Variants in OTUD7A observed in about 807,000 individuals in gnomAD.
OTUD7A encodes OTU domain-containing protein 7A.
In OTUD7A, 12 loss-of-function variants were observed where a neutral mutation model predicts 65.7. That is an observed-to-expected ratio of 0.18 (90% confidence interval 0.12 to 0.30). The LOEUF (loss-of-function observed/expected upper bound fraction) is 0.30, where lower values mean the gene tolerates loss of function less well. Among genes scored for constraint, OTUD7A ranks in the 10% least tolerant of loss-of-function variants. The pLI is 1.00. For missense variants in OTUD7A, 1,148 were observed against 1,304.8 expected, an observed-to-expected ratio of 0.88 and a Z score of 1.85; for synonymous variants, 641 against 586.3, an observed-to-expected ratio of 1.09 and a Z score of -1.35.
chr15:31,870,239 C>T (rs1897991501), intron 1 of OTUD7A, among the ~76,000 whole-genome samples: 1 of 148,520 alleles, frequency 6.7e-6, no homozygotes, highest in Non-Finnish European at 1.5e-5. Flanking sequence ...GAGAGGCGCG[C>T]CACGCCGGGC....
rs914053719 is a variant in OTUD7A, at chr15:31,477,835, C to G, written c.*5459G>C. 1 of 143,032 alleles carries G rather than the reference C, an allele frequency of 7.0e-6. No individual in the cohort carries two copies. Among genetic ancestry groups the G allele is most frequent in the Non-Finnish European group, 1.5e-5 (1 of 65,990 alleles). The allele number at this position is 143,032 out of a possible 1,614,324, so 8.9% of individuals were successfully genotyped here. ...AAATAAATGGATGAATGATTAACAT[C>G]TGCAGCACTCAGATGGTGATAGGTG... is the stretch of plus-strand genomic sequence containing the variant. On this transcript the variant is annotated 3_prime_UTR_variant, in exon 13 of 13. Coordinates refer to ENST00000307050, the MANE Select transcript of OTUD7A (RefSeq NM_001382637.1).
At chr15:31,722,591 T>C (rs560924779) in intron 1 of OTUD7A, among the ~76,000 whole-genome samples, 69 of 152,058 alleles carry the variant, frequency 4.5e-4, no homozygotes, top group South Asian at 2.1e-3. Flanking sequence ...CAGAAAGAGG[T>C]CTGGGGATGC....
chr15:31,723,154 G>A (rs1893787557), intron 1 of OTUD7A, among the ~76,000 whole-genome samples: 1 of 152,180 alleles, frequency 6.6e-6, no homozygotes, highest in South Asian at 2.1e-4. Context: ...AGAAAGGAGG[G>A]GAGCTCCTGC....
Position 31,483,570 on chromosome 15 carries a change from C to A in OTUD7A, c.2526G>T (p.Pro842=), listed in dbSNP as rs1455627257. ...SLARAVPGAL[P]GAAGTAGAAE... ...CCGCCCCCGCCGTCCCCGCCGCGCCCGGTAGGGCCCCGGGCACCGCGCGCG... is the reference window on the plus strand; with the variant it reads ...CCGCCCCCGCCGTCCCCGCCGCGCCAGGTAGGGCCCCGGGCACCGCGCGCG... Residue 842 remains proline, a synonymous_variant, in exon 13 of 13, where the codon CCG becomes CCT. Coordinates refer to ENST00000307050, the MANE Select transcript of OTUD7A (RefSeq NM_001382637.1). 1.6e-6 allele frequency: 2 copies of A among 1,289,440 alleles called. No individual in the cohort carries two copies. The highest frequency in any genetic ancestry group is 9.8e-7 in the Non-Finnish European group (1 of 1,018,118). 79.9% of individuals were successfully genotyped at this position (1,289,440 alleles called of 1,614,324 possible).
chr15:31,753,226 CTTT>C lies in OTUD7A; in HGVS notation c.-99-96152_-99-96150del, dbSNP rs561126606. Reference sequence around the variant, plus strand: ...TTCACATAGTGAAAAAGGCAAATGACTTTTTTTTTTTAAGCAAACTCCCAAAAA... The same window carrying C: ...TTCACATAGTGAAAAAGGCAAATGACTTTTTTTTAAGCAAACTCCCAAAAA... On this transcript the variant is annotated intron_variant, in intron 1 of 12. Coordinates refer to ENST00000307050, the MANE Select transcript of OTUD7A (RefSeq NM_001382637.1). Among the ~76,000 whole-genome samples, 3 of 146,220 alleles carry C rather than the reference CTTT, an allele frequency of 2.1e-5. No individual in the cohort carries two copies. The Admixed American group carries it at 2.1e-4, about 10-fold the overall frequency.
chr15:31,719,907 G>C (rs555863096), intron 1 of OTUD7A, among the ~76,000 whole-genome samples: 85 of 152,064 alleles, frequency 5.6e-4, no homozygotes, highest in African/African-American at 1.9e-3. Context: ...ACACACTCCA[G>C]CCTCAGGCCT....
intron 3 of OTUD7A, among the ~76,000 whole-genome samples, chr15:31,582,609 A>G (rs1889405982): frequency 6.6e-6 from 1 of 152,140 alleles, no homozygotes; most frequent in Non-Finnish European, 1.5e-5. Flanking sequence ...CGTGTAGGGG[A>G]ACTCTCATTT....
chr15:31,511,166 T>C (rs192734978), intron 8 of OTUD7A, among the ~76,000 whole-genome samples: 84 of 6,234 alleles, frequency 0.013, 22 homozygotes, highest in Admixed American at 0.033. Context: ...ATATGTAACA[T>C]ACATATGTAT....
At chr15:31,771,639 C>G (rs1212500347) in intron 1 of OTUD7A, among the ~76,000 whole-genome samples, 1 of 152,174 alleles carries the variant, frequency 6.6e-6, no homozygotes, top group Non-Finnish European at 1.5e-5. Flanking sequence ...AAATGGTTAA[C>G]TAGAACCTTA....
intron 1 of OTUD7A, among the ~76,000 whole-genome samples, chr15:31,734,007 A>G (rs1338171800): frequency 3.3e-5 from 5 of 152,100 alleles, no homozygotes; most frequent in African/African-American, 1.2e-4. Flanking sequence ...AAGCTGGAAT[A>G]CACTGTCAAG....
intron 1 of OTUD7A, among the ~76,000 whole-genome samples, chr15:31,764,170 C>A (rs1895043658): frequency 6.6e-6 from 1 of 152,104 alleles, no homozygotes; most frequent in Admixed American, 6.6e-5. Context: ...TAATTTTAAT[C>A]TCAATTTGCA....
At chr15:31,530,583 C>A in intron 6 of OTUD7A, 124 bp downstream of exon 6, 1 of 852,766 alleles carries the variant, frequency 1.2e-6, no homozygotes. Flanking sequence ...TTTCTCATGA[C>A]AGTGACATGG....
At chr15:31,864,149 A>G (rs1897816900) in intron 1 of OTUD7A, among the ~76,000 whole-genome samples, 1 of 152,216 alleles carries the variant, frequency 6.6e-6, no homozygotes, top group Non-Finnish European at 1.5e-5. Context: ...TATTGCTGTC[A>G]GCATTTTTGT....
intron 1 of OTUD7A, among the ~76,000 whole-genome samples, chr15:31,720,675 C>T (rs1459161880): frequency 6.6e-6 from 1 of 152,184 alleles, no homozygotes; most frequent in East Asian, 1.9e-4. Context: ...GCTGGGATTA[C>T]AGGCGTGAGC....
intron 1 of OTUD7A, among the ~76,000 whole-genome samples, chr15:31,810,178 T>C (rs1041366785): frequency 1.3e-5 from 2 of 152,156 alleles, no homozygotes; most frequent in African/African-American, 4.8e-5. Context: ...AGCACACTCA[T>C]AGTTCTACGG....
intron 5 of OTUD7A, among the ~76,000 whole-genome samples, chr15:31,536,827 G>A (rs1360273425): frequency 2.0e-5 from 3 of 152,178 alleles, no homozygotes; most frequent in Non-Finnish European, 4.4e-5. Flanking sequence ...ACAGATACCA[G>A]AGACTGGGAA....
intron 2 of OTUD7A, among the ~76,000 whole-genome samples, chr15:31,656,543 C>A (rs896267478): frequency 6.6e-6 from 1 of 152,028 alleles, no homozygotes; most frequent in Non-Finnish European, 1.5e-5. Flanking sequence ...GCTTGCAGAC[C>A]CCATTACAGG....
intron 1 of OTUD7A, among the ~76,000 whole-genome samples, chr15:31,869,475 T>A (rs754090181): frequency 6.6e-6 from 1 of 152,192 alleles, no homozygotes; most frequent in Non-Finnish European, 1.5e-5. Context: ...TCATCATATT[T>A]TTAAAAATTG....
chr15:31,510,446 CAAG>C (rs2041669866), intron 8 of OTUD7A, among the ~76,000 whole-genome samples: 1 of 148,906 alleles, frequency 6.7e-6, no homozygotes, highest in Non-Finnish European at 1.5e-5. Flanking sequence ...TTTTTTCCCC[CAAG>C]AAGAGGGGAA....
Sources: allele counts gnomAD v4.1 joint callset (sites outside exome capture counted in the v4.1 genomes callset), GRCh38; gene constraint gnomAD v4.1.1; transcripts MANE v1.5; gene names NCBI Gene and HGNC (gene_info 2026-07-23, HGNC 2026-07-21).